Variants in SLFNL1 observed in about 807,000 individuals in gnomAD.
SLFNL1 encodes the protein schlafen like 1, also known as schlafen-like protein 1.
A neutral mutation model predicts 32.5 loss-of-function variants in SLFNL1; 26 were observed. That is an observed-to-expected ratio of 0.80 (90% CI 0.59 to 1.11). The LOEUF is 1.11. SLFNL1 is among the 50% of genes least tolerant of loss of function. The pLI is 0.00. For synonymous variants in SLFNL1, 255 were observed against 242.2 expected (o/e 1.05, Z -0.49); for missense variants, 553 against 546.5 (o/e 1.01, Z -0.12).
At chr1:41,016,521 T>A (rs1444864546) in intron 5 of SLFNL1, 1 of 385,854 alleles carries the variant, frequency 2.6e-6, no homozygotes, top group Non-Finnish European at 4.7e-6. Flanking sequence ...AAAAAGCTCT[T>A]CCTTGGGACT....
At chr1:41,018,853 T>TG (rs1643589715) in intron 3 of SLFNL1, among the ~76,000 whole-genome samples, 1 of 139,996 alleles carries the variant, frequency 7.1e-6, no homozygotes, top group African/African-American at 2.6e-5. Context: ...TTTTTTTTTT[T>TG]GAGACAGAGT....
intron 5 of SLFNL1, 130 bp from the exon 6 acceptor site, chr1:41,016,358 A>T (rs1044552700): frequency 7.1e-7 from 1 of 1,417,070 alleles, no homozygotes; most frequent in African/African-American, 1.4e-5. Context: ...CTAGGGGAAA[A>T]GTCAGGCCCC....
chr1:41,016,414 C>T lies in SLFNL1; in HGVS notation c.1102-186G>A, dbSNP rs1643330430. 11 of 855,742 alleles carry T rather than the reference C, an allele frequency of 1.3e-5. 1 individual carries two copies. The highest frequency in any genetic ancestry group is 7.4e-5 in the South Asian group (4 of 54,050). The allele number at this position is 855,742 out of a possible 1,614,324, so 53.0% of individuals were successfully genotyped here. A position where few individuals can be genotyped will look rare whatever the true frequency, so the allele number is the denominator to read the frequency against. On this transcript the variant is annotated intron_variant, in intron 5 of 5. Transcript: ENST00000302946. Reference sequence around the variant, plus strand: ...ACCGTGTCAGCCTGAGGGAAGCTGCCGGCTGCCAGCCATGGAAGGGAGCCT... The same window carrying T: ...ACCGTGTCAGCCTGAGGGAAGCTGCTGGCTGCCAGCCATGGAAGGGAGCCT...
chr1:41,017,893 C>T lies in SLFNL1; in HGVS notation c.699G>A (p.Glu233=). 6.2e-7 allele frequency: 1 copy of T among 1,610,768 alleles called. No homozygotes were observed. Among genetic ancestry groups the T allele is most frequent in the Non-Finnish European group, 8.5e-7 (1 of 1,178,004 alleles). ...GGTGCTTGAAGGCCAGGCTGAGGTACTCGCCGCTACCCCGCTTGAACTCCA... is the reference window on the plus strand; with the variant it reads ...GGTGCTTGAAGGCCAGGCTGAGGTATTCGCCGCTACCCCGCTTGAACTCCA... ...RNMEFKRGSG[E]YLSLAFKHHV... The change falls in exon 4 of 6, where the codon GAG becomes GAA. Residue 233 remains glutamate, a synonymous_variant. Transcript: ENST00000302946. The surrounding 1 kb of genome is among the most constrained non-coding windows in gnomAD (Gnocchi z 4.9).
rs146700133 is a variant in SLFNL1 at position 41,017,288 on chromosome 1, G to T, written c.1047C>A (p.Asp349Glu). The change falls in exon 5 of 6, where the codon GAC becomes GAA. Residue 349 changes from aspartate to glutamate, a missense_variant. Transcript: ENST00000302946. The surrounding 1 kb of genome is among the most constrained non-coding windows in gnomAD (Gnocchi z 4.9). The part of the protein sequence containing the change: ...TDQGEVFLRR[D>E]GSIQGPLSAS... ...CAGACAGCGGGCCCTGGATGCTCCC[G>T]TCGCGCCGCAGAAACACCTCCCCCT... 362 of 1,610,716 alleles carry T rather than the reference G, an allele frequency of 2.2e-4. No homozygotes were observed. Among genetic ancestry groups the T allele is most frequent in the Non-Finnish European group, 2.9e-4 (337 of 1,178,966 alleles).
rs192565558 is a variant in SLFNL1, at chr1:41,019,001, G to A, written c.436-845C>T. ...ATTACAGGGGCCCGCCACCACGCCC[G>A]GCTAATTTTTTTGTATTTTTAGTAG... is the stretch of plus-strand genomic sequence containing the variant. On this transcript the variant is annotated intron_variant, in intron 3 of 5. Transcript: ENST00000302946. Among the ~76,000 whole-genome samples the A allele has an allele frequency of 6.8e-3, 1,024 of 151,678 alleles. 15 individuals are homozygous for A. Among genetic ancestry groups the A allele is most frequent in the African/African-American group, 0.024 (981 of 41,336 alleles).
At position 41,016,224 on chromosome 1, in the gene SLFNL1, C is replaced by CTCTGAGGGGT; in HGVS notation, c.1105_1106insACCCCTCAGA (p.Trp369TyrfsTer58). The CTCTGAGGGGT allele has an allele frequency of 1.2e-6, 2 of 1,614,104 alleles. No individual in the cohort carries two copies. The highest frequency in any genetic ancestry group is 1.7e-6 in the Non-Finnish European group (2 of 1,179,974). ...TTCCAGCTTGCCCAGCTCCACCAGC[C>CTCTGAGGGGT]ACCTCTGAGGGGACATGGGAAAAGC... On this transcript the variant is annotated frameshift_variant, in exon 6 of 6. Transcript: ENST00000302946. LOFTEE classifies it high-confidence loss of function.
rs115384457 is a variant in SLFNL1 at position 41,016,720 on chromosome 1, T to G, written c.1102-492A>C. On this transcript the variant is annotated intron_variant, in intron 5 of 5. Coordinates refer to ENST00000302946, the MANE Select transcript of SLFNL1 (RefSeq NM_144990.4). Reference sequence around the variant, plus strand: ...AGGGAGGATACTGCATAGGATTTTTTTTTTTTTGAGATGGAGTCTCGGTCT... The same window carrying G: ...AGGGAGGATACTGCATAGGATTTTTGTTTTTTTGAGATGGAGTCTCGGTCT... 1,348 of 155,904 alleles carry G rather than the reference T, an allele frequency of 8.6e-3. 9 individuals are homozygous for G. Among genetic ancestry groups the G allele is most frequent in the Non-Finnish European group, 0.013 (945 of 70,694 alleles). 9.7% of individuals were successfully genotyped at this position (155,904 alleles called of 1,614,324 possible). A position where few individuals can be genotyped will look rare whatever the true frequency, so the allele number is the denominator to read the frequency against.
At position 41,020,558 on chromosome 1, in the gene SLFNL1, T is replaced by G. The variant is rs1553185024; in HGVS notation, c.103A>C (p.Thr35Pro). The change falls in exon 3 of 6, where the codon ACG (threonine) becomes CCG (proline). Residue 35 changes from threonine (T) to proline (P), a missense_variant. Thr to Pro is a conservative substitution (Grantham distance 38). Transcript: ENST00000302946. ...GCCTCCTCGAGGTCAGAGTACTCCGTCAGGGACTGCTCTGCGGGTAGCTCC... is the reference window on the plus strand; with the variant it reads ...GCCTCCTCGAGGTCAGAGTACTCCGGCAGGGACTGCTCTGCGGGTAGCTCC... ...LPELPAEQSL[T>P]EYSDLEEAPS... 6.2e-7 allele frequency: 1 copy of G among 1,613,492 alleles called. No individual in the cohort carries two copies. The highest frequency in any genetic ancestry group is 1.7e-5 in the Admixed American group (1 of 60,024).
rs1288024365 is a variant in SLFNL1 at position 41,017,127 on chromosome 1, C to T, written c.1101+107G>A. Reference sequence around the variant, plus strand: ...ACCCCTTGGGTTCAACGGGGTGATGCAGGACCCAGGGAACCATGGTGGCTT... The same window carrying T: ...ACCCCTTGGGTTCAACGGGGTGATGTAGGACCCAGGGAACCATGGTGGCTT... On this transcript the variant is annotated intron_variant, in intron 5 of 5. Coordinates refer to ENST00000302946, the MANE Select transcript of SLFNL1 (RefSeq NM_144990.4). The surrounding 1 kb of genome is among the most constrained non-coding windows in gnomAD (Gnocchi z 4.9). 5 of 1,363,964 alleles carry T rather than the reference C, an allele frequency of 3.7e-6. No homozygotes were observed. The highest frequency in any genetic ancestry group is 2.6e-4 in the Middle Eastern group (1 of 3,792). The allele number at this position is 1,363,964 out of a possible 1,614,324, so 84.5% of individuals were successfully genotyped here.
In SLFNL1 at chr1:41,015,840, C is replaced by G; in HGVS notation, c.*266G>C. ...AAGGACAATCCCTTATAGCTTAGCC[C>G]TAGGGGAGCTCTGGGCAGGGTTTTA... On this transcript the variant is annotated 3_prime_UTR_variant, in exon 6 of 6. Transcript: ENST00000302946. 1 of 357,480 alleles carries G rather than the reference C, an allele frequency of 2.8e-6. No individual in the cohort carries two copies. The highest frequency in any genetic ancestry group is 5.3e-5 in the South Asian group (1 of 18,960). The allele number at this position is 357,480 out of a possible 1,614,324, so 22.1% of individuals were successfully genotyped here. A position where few individuals can be genotyped will look rare whatever the true frequency, so the allele number is the denominator to read the frequency against.
In SLFNL1 at chr1:41,020,762, A is replaced by T; in HGVS notation, c.-102T>A. ...TGGCTTAAGGGCTCCCAGAGGACTC[A>T]GGGAGTGTCCCGGCTCCTGGGAGGT... On this transcript the variant is annotated 5_prime_UTR_variant, in exon 3 of 6. An upstream open reading frame in the 5' UTR loses its in-frame stop. Transcript: ENST00000302946. 9.1e-7 allele frequency: 1 copy of T among 1,093,742 alleles called. No homozygotes were observed. The highest frequency in any genetic ancestry group is 1.3e-6 in the Non-Finnish European group (1 of 764,864). 67.8% of individuals were successfully genotyped at this position (1,093,742 alleles called of 1,614,324 possible). A position where few individuals can be genotyped will look rare whatever the true frequency, so the allele number is the denominator to read the frequency against.
rs1222479404 is a variant in SLFNL1, at chr1:41,020,169, C to CA, written c.435+56dup. 465 of 1,514,038 alleles carry CA rather than the reference C, an allele frequency of 3.1e-4. 6 individuals are homozygous for CA. Among genetic ancestry groups the CA allele is most frequent in the Admixed American group, 1.1e-4 (5 of 47,084 alleles). The allele number at this position is 1,514,038 out of a possible 1,614,324, so 93.8% of individuals were successfully genotyped here. ...CCCCACTCTGCAGGCCACTCCCACT[C>CA]AGAGGCTCTCCCTTGGGGTGAGGCT... On this transcript the variant is annotated intron_variant, in intron 3 of 5. Transcript: ENST00000302946.
chr1:41,016,339 C>G, intron 5 of SLFNL1, 111 bp from the exon 6 acceptor site: 1 of 1,484,004 alleles, frequency 6.7e-7, no homozygotes, highest in African/African-American at 1.4e-5. Flanking sequence ...AGCCTGAGAG[C>G]TTTCTCAGCT....
At chr1:41,018,997 G>A (rs552332490) in intron 3 of SLFNL1, among the ~76,000 whole-genome samples, 43 of 151,762 alleles carry the variant, frequency 2.8e-4, no homozygotes, top group African/African-American at 9.7e-4. Context: ...CCGCCACCAC[G>A]CCCGGCTAAT....
rs1164496147 is a variant in SLFNL1, at chr1:41,016,080, G to T, written c.*26C>A. On this transcript the variant is annotated 3_prime_UTR_variant, in exon 6 of 6. Coordinates refer to ENST00000302946, the MANE Select transcript of SLFNL1 (RefSeq NM_144990.4). ...CTGGGTCTCAGGTGGAGAGTGCCGT[G>T]CCGTCCTGCCTGCTCCCCAGGGCCC... is the stretch of plus-strand genomic sequence containing the variant. The T allele has an allele frequency of 6.2e-7, 1 of 1,603,686 alleles. No individual in the cohort carries two copies. The highest frequency in any genetic ancestry group is 8.5e-7 in the Non-Finnish European group (1 of 1,174,162).
rs1308441438 is a variant in SLFNL1 at position 41,016,337 on chromosome 1, A to G, written c.1102-109T>C. 4.0e-6 allele frequency: 6 copies of G among 1,484,454 alleles called. No homozygotes were observed. The Admixed American group carries it at 1.3e-4, about 32-fold the overall frequency. 92.0% of individuals were successfully genotyped at this position (1,484,454 alleles called of 1,614,324 possible). On this transcript the variant is annotated intron_variant, in intron 5 of 5. Coordinates refer to ENST00000302946, the MANE Select transcript of SLFNL1 (RefSeq NM_144990.4). ...GGAAGGCAAAGCCCAGGAGCCTGAG[A>G]GCTTTCTCAGCTAGGGGAAAAGTCA...
At position 41,017,637 on chromosome 1, in the gene SLFNL1, T is replaced by C; in HGVS notation, c.955A>G (p.Lys319Glu). Residue 319 changes from lysine (K) to glutamate (E), a missense_variant and splice_region_variant, in exon 4 of 6, where the codon AAG becomes GAG. By Grantham distance (56) the Lys-to-Glu change is moderately conservative (BLOSUM62 1). Coordinates refer to ENST00000302946, the MANE Select transcript of SLFNL1 (RefSeq NM_144990.4). The surrounding 1 kb of genome is among the most constrained non-coding windows in gnomAD (Gnocchi z 4.9). ...GCCCTCCTGTCCTGCAGGCTCACCT[T>C]GAGGGGGACGCTGGTCTCCGAGGTA... ...ISTSETSVPL[K>E]VIRLTVHTPK... is the part of the protein sequence containing the mutation. The C allele has an allele frequency of 6.6e-7, 1 of 1,525,474 alleles. No individual in the cohort carries two copies. The highest frequency in any genetic ancestry group is 8.8e-7 in the Non-Finnish European group (1 of 1,134,236). The allele number at this position is 1,525,474 out of a possible 1,614,324, so 94.5% of individuals were successfully genotyped here.
chr1:41,016,463 GC>G lies in SLFNL1; in HGVS notation c.1102-236del. On this transcript the variant is annotated intron_variant, in intron 5 of 5. Transcript: ENST00000302946. ...CTCCTCCGTGCTGGGCAGGCCATGT[GC>G]CTCCTCACTGTTGGTCCCTTGTCCT... is the stretch of plus-strand genomic sequence containing the variant. 4 of 553,884 alleles carry G rather than the reference GC, an allele frequency of 7.2e-6. No individual in the cohort carries two copies. In the South Asian group the frequency reaches 8.8e-5, roughly 12 times the overall value. 34.3% of individuals were successfully genotyped at this position (553,884 alleles called of 1,614,324 possible). A position where few individuals can be genotyped will look rare whatever the true frequency, so the allele number is the denominator to read the frequency against.
Sources: allele counts gnomAD v4.1 joint callset (sites outside exome capture counted in the v4.1 genomes callset), GRCh38; gene constraint gnomAD v4.1.1; non-coding constraint Gnocchi (gnomAD v3.1); transcripts MANE v1.5; gene names NCBI Gene and HGNC (gene_info 2026-07-23, HGNC 2026-07-21).